The following BBS9 variants were observed in gnomAD, a reference collection of about 807,000 sequenced individuals.
The protein encoded by BBS9 is protein PTHB1.
BBS9 carries 89 observed loss-of-function variants against 117.7 expected under a neutral mutation model. That is an observed-to-expected ratio of 0.76 (90% CI 0.64 to 0.90). The LOEUF is 0.90. BBS9 is among the 40% of genes least tolerant of loss of function. The pLI is 0.00. For missense variants in BBS9, 982 were observed against 1,042.2 expected (o/e 0.94, Z 0.80); for synonymous variants, 379 against 370.9 (o/e 1.02, Z -0.25).
chr7:33,453,585 G>A (rs1838213316), intron 19 of BBS9, among the ~76,000 whole-genome samples: 1 of 149,176 alleles, frequency 6.7e-6, no homozygotes, highest in African/African-American at 2.5e-5. Flanking sequence ...TCAATGGCAC[G>A]ATCTTGGCTC....
At chr7:33,569,329 C>T (rs999558454) in intron 21 of BBS9, among the ~76,000 whole-genome samples, 3 of 151,604 alleles carry the variant, frequency 2.0e-5, no homozygotes, top group African/African-American at 7.3e-5. Context: ...GTTAGAAGTA[C>T]AGAAGTGGGA....
At chr7:33,563,732 G>A (rs1013699191) in intron 21 of BBS9, among the ~76,000 whole-genome samples, 7 of 152,318 alleles carry the variant, frequency 4.6e-5, no homozygotes, top group Admixed American at 2.0e-4. Context: ...TGGGGTCACT[G>A]TAGCTGCAAT....
chr7:33,200,406 A>G (rs1187551414), intron 5 of BBS9, among the ~76,000 whole-genome samples: 1 of 152,174 alleles, frequency 6.6e-6, no homozygotes, highest in Non-Finnish European at 1.5e-5. Context: ...ACTATAACTT[A>G]AATCTTCCAT....
intron 19 of BBS9, among the ~76,000 whole-genome samples, chr7:33,408,079 G>T (rs576484929): frequency 1.6e-4 from 24 of 152,352 alleles, no homozygotes; most frequent in African/African-American, 4.8e-4. Context: ...TGGAGCTGTG[G>T]TGGGCTCCAC....
At position 33,152,759 on chromosome 7, in the gene BBS9, A is replaced by C; in HGVS notation, c.171A>C (p.Ala57=). The change falls in exon 3 of 23, where the codon GCA becomes GCC. Residue 57 remains alanine (A), a synonymous_variant. Transcript: ENST00000242067. ...GYLRIFSPHP[A]KTGDGAQAED... is the part of the protein sequence containing the mutation. ...TAAGGATCTTTAGCCCCCATCCTGC[A>C]AAAACAGGAGATGGAGCTCAAGCCG... 3.7e-6 allele frequency: 6 copies of C among 1,613,676 alleles called. No homozygotes were observed. Among genetic ancestry groups the C allele is most frequent in the Non-Finnish European group, 5.1e-6 (6 of 1,179,790 alleles).
At chr7:33,407,389 G>A (rs1252041456) in intron 19 of BBS9, among the ~76,000 whole-genome samples, 2 of 152,106 alleles carry the variant, frequency 1.3e-5, no homozygotes, top group East Asian at 3.8e-4. Context: ...ATTTCCTCCT[G>A]TAGCTCGGAG....
chr7:33,619,891 C>G (rs937657135), intron 21 of BBS9, among the ~76,000 whole-genome samples: 1 of 151,830 alleles, frequency 6.6e-6, no homozygotes, highest in African/African-American at 2.4e-5. Flanking sequence ...ATGCCTACAT[C>G]AAAAAATATG....
At chr7:33,626,868 T>C (rs1467242139) in intron 21 of BBS9, among the ~76,000 whole-genome samples, 1 of 152,168 alleles carries the variant, frequency 6.6e-6, no homozygotes, top group East Asian at 1.9e-4. Context: ...CTAGAACTTA[T>C]ATTTAAAAGG....
intron 19 of BBS9, among the ~76,000 whole-genome samples, chr7:33,444,839 A>G (rs1028115554): frequency 2.0e-5 from 3 of 152,192 alleles, no homozygotes; most frequent in Non-Finnish European, 1.5e-5. Context: ...CTCCCTGCTC[A>G]CAACTGAAGA....
chr7:33,563,424 C>T (rs1856387294), intron 21 of BBS9, among the ~76,000 whole-genome samples: 1 of 152,152 alleles, frequency 6.6e-6, no homozygotes, highest in South Asian at 2.1e-4. Context: ...TCTCCACTGA[C>T]ACAGGAGGTA....
intron 9 of BBS9, among the ~76,000 whole-genome samples, chr7:33,278,380 G>A (rs1801183032): frequency 6.6e-6 from 1 of 152,136 alleles, no homozygotes; most frequent in Non-Finnish European, 1.5e-5. Flanking sequence ...TGACAAAGAC[G>A]TTAATATTCT....
rs925342280 is a variant in BBS9 at position 33,316,123 on chromosome 7, C to A, written c.1017-20318C>A. ...TTTCTCTGTTAATAATCCCCTCTTG[C>A]CTGCACCCAGGTAACTGCTGTTCAT... On this transcript the variant is annotated intron_variant, in intron 9 of 22. Transcript: ENST00000242067. 2.6e-5 allele frequency among the ~76,000 whole-genome samples: 4 copies of A among 152,190 alleles called. No individual in the cohort carries two copies. In the East Asian group the frequency reaches 7.7e-4, roughly 29 times the overall value.
chr7:33,415,243 A>C (rs80174370), intron 19 of BBS9, among the ~76,000 whole-genome samples: 1,614 of 152,312 alleles, frequency 0.011, 9 homozygotes, highest in Non-Finnish European at 0.017. Flanking sequence ...TCCAGTATAA[A>C]GTACTGTGGG....
At chr7:33,382,459 C>CA (rs113930733) in intron 17 of BBS9, among the ~76,000 whole-genome samples, 3,467 of 122,518 alleles carry the variant, frequency 0.028, 125 homozygotes, top group African/African-American at 0.095. Context: ...GACCCTGTCT[C>CA]AAAAAAAAAA....
intron 19 of BBS9, among the ~76,000 whole-genome samples, chr7:33,392,535 T>C (rs928126585): frequency 1.3e-5 from 2 of 152,216 alleles, no homozygotes; most frequent in African/African-American, 2.4e-5. Context: ...TAGTGTTCCA[T>C]TGGCTTTGGT....
chr7:33,214,683 T>A (rs1330209099), intron 5 of BBS9, among the ~76,000 whole-genome samples: 1 of 152,040 alleles, frequency 6.6e-6, no homozygotes, highest in African/African-American at 2.4e-5. Context: ...AAAACACTGA[T>A]GAGAAAAATT....
rs1230826321 is a variant in BBS9, at chr7:33,357,856, C to T, written c.1554C>T (p.Gly518=). The T allele has an allele frequency of 6.2e-7, 1 of 1,611,286 alleles. No homozygotes were observed. Among genetic ancestry groups the T allele is most frequent in the Non-Finnish European group, 8.5e-7 (1 of 1,177,924 alleles). Residue 518 remains glycine (G), a splice_region_variant and synonymous_variant, in exon 16 of 23, where the codon GGC becomes GGT. Transcript: ENST00000242067. ...YSRPTDRNPD[G]IPRVIQCKFR... ...CTACATATCTCTCTTTTATTTTAGG[C>T]ATTCCGCGAGTTATCCAATGTAAAT...
intron 20 of BBS9, among the ~76,000 whole-genome samples, chr7:33,520,791 T>G (rs1378237078): frequency 1.3e-5 from 2 of 152,210 alleles, no homozygotes; most frequent in Non-Finnish European, 2.9e-5. Context: ...GGGTTCGTCT[T>G]TCTTGGGCCT....
chr7:33,489,331 CTTTTTTT>C lies in BBS9; in HGVS notation c.2116-16116_2116-16110del, dbSNP rs35199510. On this transcript the variant is annotated intron_variant, in intron 19 of 22. Transcript: ENST00000242067. ...TTTAAACAAAAATAACCACTTATGG[CTTTTTTT>C]TTTTTTTTTTTTTTTGCTGAAATTG... 7.4e-3 allele frequency among the ~76,000 whole-genome samples: 639 copies of C among 86,256 alleles called. 5 individuals are homozygous for C. The highest frequency in any genetic ancestry group is 0.026 in the African/African-American group (577 of 22,326). 56.6% of individuals were successfully genotyped at this position (86,256 alleles called of 152,430 possible). A position where few individuals can be genotyped will look rare whatever the true frequency, so the allele number is the denominator to read the frequency against.
Sources: gnomAD v4.1 joint callset for allele counts (sites outside exome capture counted in the v4.1 genomes callset) on GRCh38, gnomAD v4.1.1 for gene constraint, MANE v1.5 for transcripts, NCBI Gene and HGNC (gene_info 2026-07-23, HGNC 2026-07-21) for gene names.